ADGRL3: variants seen among roughly 807,000 people sequenced by gnomAD.
ADGRL3 encodes the protein calcium-independent alpha-latrotoxin receptor 3.
In ADGRL3, 62 loss-of-function variants were observed where a neutral mutation model predicts 153.5. The observed-to-expected ratio is 0.40, with a 90% CI of 0.33 to 0.50. The LOEUF (loss-of-function observed/expected upper bound fraction) is 0.50. Among genes scored for constraint, ADGRL3 ranks in the 20% least tolerant of loss-of-function variants. The pLI, the probability that ADGRL3 is intolerant of heterozygous loss-of-function variation, is 0.47. For missense variants in ADGRL3, 1,641 were observed against 1,859.4 expected, an observed-to-expected ratio of 0.88 and a Z score of 2.16; for synonymous variants, 710 against 672.5, an observed-to-expected ratio of 1.06 and a Z score of -0.86.
At chr4:61,571,642 C>T (rs1411672257) in intron 4 of ADGRL3, among the ~76,000 whole-genome samples, 1 of 152,152 alleles carries the variant, frequency 6.6e-6, no homozygotes, top group South Asian at 2.1e-4. Context: ...TGCGTTCATA[C>T]CATTGCTTCT....
At chr4:61,495,484 AGGAAGGAAGGGGAAGGGAAG>A (rs780096474) in intron 2 of ADGRL3, among the ~76,000 whole-genome samples, 13 of 150,778 alleles carry the variant, frequency 8.6e-5, no homozygotes, top group South Asian at 2.2e-4. Flanking sequence ...GAAGGAAGGA[AGGAAGGAAGGGGAAGGGAAG>A]GGAAGGAAGG....
intron 2 of ADGRL3, among the ~76,000 whole-genome samples, chr4:61,433,895 T>C (rs1193166104): frequency 6.6e-6 from 1 of 152,194 alleles, no homozygotes; most frequent in Non-Finnish European, 1.5e-5. Context: ...ATTCCCTTCA[T>C]GTCAAAGACT....
At position 61,302,020 on chromosome 4, in the gene ADGRL3, C is replaced by A. The variant is rs538838332; in HGVS notation, c.-239-81104C>A. Among the ~76,000 whole-genome samples, 28 of 152,182 alleles carry A rather than the reference C, an allele frequency of 1.8e-4. No individual in the cohort carries two copies. The East Asian group carries it at 5.2e-3, about 28-fold the overall frequency. On this transcript the variant is annotated intron_variant, in intron 1 of 26. Transcript: ENST00000683033. ...AAACTGGGAATAATTGTCTACTTGA[C>A]TCTTACATTATAATACAAAGTTTGT...
intron 1 of ADGRL3, among the ~76,000 whole-genome samples, chr4:61,217,784 C>G (rs1243777408): frequency 6.6e-6 from 1 of 152,124 alleles, no homozygotes; most frequent in African/African-American, 2.4e-5. Context: ...CTCATTCTTA[C>G]CCTTATTTTT....
At chr4:61,238,475 G>A (rs1172401216) in intron 1 of ADGRL3, among the ~76,000 whole-genome samples, 1 of 148,360 alleles carries the variant, frequency 6.7e-6, no homozygotes, top group Non-Finnish European at 1.5e-5. Flanking sequence ...GTGTGTGTGT[G>A]TATGCACGTG....
intron 9 of ADGRL3, among the ~76,000 whole-genome samples, chr4:61,818,276 G>A (rs1348623555): frequency 1.3e-5 from 2 of 152,118 alleles, no homozygotes; most frequent in East Asian, 1.9e-4. Context: ...AAATTCAATC[G>A]GGTAGTCATT....
rs548848921 is a variant in ADGRL3, at chr4:62,022,518, C to G, written c.3396-6337C>G. ...GCCTTCTATTGGAACAAGATGCCAT[C>G]TGGAACTTTATTAGCTAGAGAGAAG... On this transcript the variant is annotated intron_variant, in intron 21 of 26. Coordinates refer to ENST00000683033, the MANE Select transcript of ADGRL3 (RefSeq NM_001387552.1). Among the ~76,000 whole-genome samples, 3 of 152,246 alleles carry G rather than the reference C, an allele frequency of 2.0e-5. No individual in the cohort carries two copies. In the South Asian group the frequency reaches 6.2e-4, roughly 32 times the overall value.
chr4:61,508,709 TAGTTTTCCGACCTTGCCTCA>T (rs1033043094), intron 3 of ADGRL3, among the ~76,000 whole-genome samples: 5 of 152,072 alleles, frequency 3.3e-5, no homozygotes, highest in African/African-American at 1.2e-4. Flanking sequence ...ACCCAATAGG[TAGTTTTCCGACCTTGCCTCA>T]CTCTCCCTCC....
At chr4:61,871,849 C>T (rs1393653638) in intron 9 of ADGRL3, among the ~76,000 whole-genome samples, 1 of 152,192 alleles carries the variant, frequency 6.6e-6, no homozygotes, top group Non-Finnish European at 1.5e-5. Flanking sequence ...GCTATCCCCT[C>T]TACCTGAAAT....
intron 19 of ADGRL3, among the ~76,000 whole-genome samples, chr4:61,987,724 C>T (rs2099090706): frequency 6.6e-6 from 1 of 151,964 alleles, no homozygotes; most frequent in Non-Finnish European, 1.5e-5. Flanking sequence ...AATTGTATGT[C>T]TTGGAAATCT....
rs1233622462 is a variant in ADGRL3 at position 62,070,201 on chromosome 4, G to A, written c.3925G>A (p.Glu1309Lys). ...HGNSYSIASG[E>K]YLSNCVQIID... ...CAATAGTTACAGCATTGCCAGCGGCGAATACCTGAGCAACTGTGTGCAAAT... is the reference window on the plus strand; with the variant it reads ...CAATAGTTACAGCATTGCCAGCGGCAAATACCTGAGCAACTGTGTGCAAAT... The change falls in exon 27 of 27, where the codon GAA (glutamate) becomes AAA (lysine). Residue 1309 changes from glutamate to lysine, a missense_variant. Physicochemically the swap from Glu to Lys is moderately conservative, Grantham distance 56. This residue lies in a region of ADGRL3 where 517 missense variants were observed against 555.0 expected (regional missense o/e 0.93). Coordinates refer to ENST00000683033, the MANE Select transcript of ADGRL3 (RefSeq NM_001387552.1). The A allele has an allele frequency of 2.5e-6, 4 of 1,613,860 alleles. No individual in the cohort carries two copies. The highest frequency in any genetic ancestry group is 1.3e-5 in the African/African-American group (1 of 74,968).
At chr4:61,248,703 A>C (rs1758026435) in intron 1 of ADGRL3, among the ~76,000 whole-genome samples, 1 of 152,182 alleles carries the variant, frequency 6.6e-6, no homozygotes, top group African/African-American at 2.4e-5. Context: ...AATCAATTTC[A>C]AAGTGAAGAA....
At chr4:61,887,978 C>A (rs950268800) in intron 9 of ADGRL3, among the ~76,000 whole-genome samples, 2 of 152,030 alleles carry the variant, frequency 1.3e-5, no homozygotes, top group Non-Finnish European at 2.9e-5. Flanking sequence ...AATGTTTATT[C>A]TTTTCAAGGC....
At chr4:61,469,761 C>T (rs2097923338) in intron 2 of ADGRL3, among the ~76,000 whole-genome samples, 2 of 151,660 alleles carry the variant, frequency 1.3e-5, no homozygotes, top group Admixed American at 6.6e-5. Context: ...ATACAAGTGC[C>T]AAGGGAACAA....
intron 9 of ADGRL3, among the ~76,000 whole-genome samples, chr4:61,816,450 A>G (rs1362521084): frequency 1.3e-5 from 2 of 152,194 alleles, no homozygotes; most frequent in African/African-American, 4.8e-5. Flanking sequence ...CTGATGTCCC[A>G]TTAGCCAAAG....
chr4:61,660,333 A>G (rs1027889358), intron 5 of ADGRL3, among the ~76,000 whole-genome samples: 2 of 152,178 alleles, frequency 1.3e-5, no homozygotes, highest in South Asian at 2.1e-4. Context: ...TCAGAAGGAT[A>G]AAGTTGTTTG....
At chr4:61,808,392 C>A (rs2097573610) in intron 8 of ADGRL3, among the ~76,000 whole-genome samples, 1 of 152,104 alleles carries the variant, frequency 6.6e-6, no homozygotes, top group South Asian at 2.1e-4. Context: ...AACCTTTGCA[C>A]CTCCATCAGT....
intron 2 of ADGRL3, among the ~76,000 whole-genome samples, chr4:61,478,766 T>C (rs1369208295): frequency 1.3e-5 from 2 of 152,080 alleles, no homozygotes; most frequent in Non-Finnish European, 2.9e-5. Context: ...TATTGATTTA[T>C]AATAATGCAT....
intron 13 of ADGRL3, among the ~76,000 whole-genome samples, chr4:61,913,810 G>T (rs1237556325): frequency 1.3e-5 from 2 of 152,092 alleles, no homozygotes; most frequent in African/African-American, 4.8e-5. Flanking sequence ...AAAGGAATTG[G>T]ATAGCCTTGG....
Sources: allele counts gnomAD v4.1 joint callset (sites outside exome capture counted in the v4.1 genomes callset), GRCh38; gene constraint gnomAD v4.1.1; regional missense constraint gnomAD v4.1.1; transcripts MANE v1.5; gene names NCBI Gene and HGNC (gene_info 2026-07-23, HGNC 2026-07-21).